The following KLF17 variants were observed in gnomAD, a reference collection of about 807,000 sequenced individuals.
The protein encoded by KLF17 is Krueppel-like factor 17.
KLF17 carries 31 observed loss-of-function variants against 34.2 expected under a neutral mutation model. The ratio of observed to expected loss-of-function variants is 0.91; its 90% CI spans 0.68 to 1.22. The LOEUF is 1.22. Among genes scored for constraint, KLF17 ranks in the 50% most tolerant of loss-of-function variants. The pLI is 0.00. For synonymous variants in KLF17, 179 were observed against 186.7 expected (o/e 0.96, Z 0.34); for missense variants, 478 against 505.2 (o/e 0.95, Z 0.52).
At chr1:44,125,226 G>A (rs2087993947) in intron 1 of KLF17, among the ~76,000 whole-genome samples, 1 of 152,040 alleles carries the variant, frequency 6.6e-6, no homozygotes, top group African/African-American at 2.4e-5. Context: ...CATGTCTAGT[G>A]GTAATGATCT....
At chr1:44,059,652 T>C in the KLF17 span, among the ~76,000 whole-genome samples, 1 of 152,148 alleles carries the variant, frequency 6.6e-6, no homozygotes, top group Non-Finnish European at 1.5e-5. Flanking sequence ...TCCATCTGAA[T>C]ACCACCCCCC....
At chr1:44,097,547 A>C in the KLF17 span, among the ~76,000 whole-genome samples, 3 of 152,152 alleles carry the variant, frequency 2.0e-5, no homozygotes, top group African/African-American at 7.2e-5. Context: ...CTATGTAACA[A>C]ACCTGCATGT....
chr1:44,087,759 TATATATATATACACACAC>T, the KLF17 span, among the ~76,000 whole-genome samples: 4 of 55,356 alleles, frequency 7.2e-5, no homozygotes, highest in Admixed American at 1.8e-4. Flanking sequence ...TATATATATA[TATATATATATACACACAC>T]ACACACACAC....
chr1:44,089,370 C>T, the KLF17 span, among the ~76,000 whole-genome samples: 1 of 152,314 alleles, frequency 6.6e-6, no homozygotes, highest in South Asian at 2.1e-4. Context: ...CCCACAAAGC[C>T]TCAACCAACC....
At chr1:44,087,020 C>T in the KLF17 span, among the ~76,000 whole-genome samples, 4 of 152,274 alleles carry the variant, frequency 2.6e-5, no homozygotes, top group Admixed American at 6.5e-5. Context: ...CAGCCATATT[C>T]GGCAGCATCG....
the KLF17 span, among the ~76,000 whole-genome samples, chr1:44,105,885 C>G: frequency 6.6e-6 from 1 of 152,058 alleles, no homozygotes; most frequent in South Asian, 2.1e-4. Context: ...CCTCTGCAGC[C>G]AGGTTCAGTG....
chr1:44,113,204 A>G, the KLF17 span, among the ~76,000 whole-genome samples: 3 of 152,316 alleles, frequency 2.0e-5, no homozygotes, highest in Admixed American at 6.5e-5. Context: ...AGTTCAAGAA[A>G]TTTCAAGACA....
chr1:44,090,428 A>G, the KLF17 span, among the ~76,000 whole-genome samples: 1 of 151,962 alleles, frequency 6.6e-6, no homozygotes, highest in Non-Finnish European at 1.5e-5. Flanking sequence ...GAGAATTCCT[A>G]AACTTTAAAT....
At chr1:44,060,434 C>A in the KLF17 span, among the ~76,000 whole-genome samples, 1 of 152,184 alleles carries the variant, frequency 6.6e-6, no homozygotes, top group Admixed American at 6.5e-5. Flanking sequence ...CGCCATTGCA[C>A]TCCAGCCTGG....
At chr1:44,071,132 G>A in the KLF17 span, among the ~76,000 whole-genome samples, 1 of 152,094 alleles carries the variant, frequency 6.6e-6, no homozygotes, top group Non-Finnish European at 1.5e-5. Flanking sequence ...TCCAATGGGC[G>A]TGTTTCATGC....
the KLF17 span, among the ~76,000 whole-genome samples, chr1:44,102,596 ACACACACACACAC>A: frequency 2.4e-5 from 3 of 126,802 alleles, no homozygotes; most frequent in African/African-American, 7.9e-5. Flanking sequence ...ACACACACAC[ACACACACACACAC>A]ACACAGAAAA....
At chr1:44,098,336 T>C in the KLF17 span, among the ~76,000 whole-genome samples, 1 of 152,090 alleles carries the variant, frequency 6.6e-6, no homozygotes, top group African/African-American at 2.4e-5. Context: ...TTTTATTTAT[T>C]TGGGTCACTC....
At chr1:44,091,814 G>A in the KLF17 span, among the ~76,000 whole-genome samples, 1 of 150,964 alleles carries the variant, frequency 6.6e-6, no homozygotes, top group East Asian at 1.9e-4. Context: ...TTTAAGAACT[G>A]CTGTATTCAT....
chr1:44,108,660 CTTTTTTT>C, the KLF17 span, among the ~76,000 whole-genome samples: 3,100 of 75,376 alleles, frequency 0.041, 74 homozygotes, highest in Middle Eastern at 0.12. Context: ...TTTGTTAGCT[CTTTTTTT>C]TTTTTTTTTT....
At chr1:44,052,963 A>G in the KLF17 span, among the ~76,000 whole-genome samples, 1 of 151,522 alleles carries the variant, frequency 6.6e-6, no homozygotes, top group Non-Finnish European at 1.5e-5. Flanking sequence ...TGCAGCGGCA[A>G]GATCTCGACT....
intron 1 of KLF17, among the ~76,000 whole-genome samples, chr1:44,121,573 A>G (rs1231541111): frequency 6.6e-6 from 1 of 152,038 alleles, no homozygotes; most frequent in East Asian, 1.9e-4. Context: ...GAATAGTTTT[A>G]TTTTTTCATG....
At chr1:44,066,382 T>C in the KLF17 span, among the ~76,000 whole-genome samples, 2 of 147,670 alleles carry the variant, frequency 1.4e-5, no homozygotes, top group African/African-American at 2.5e-5. Context: ...GGTATGATAA[T>C]ACTTTCCTTT....
In KLF17 at chr1:44,130,496, C is replaced by T. The variant is rs1316195432; in HGVS notation, c.926-16C>T. ...CTACTGTATTCTAAATTCCATCTCT[C>T]CCTTGTCATTCCCAGGTGAGAGGCC... On this transcript the variant is annotated splice_polypyrimidine_tract_variant and intron_variant, in intron 2 of 3. Transcript: ENST00000372299. 1 of 1,614,036 alleles carries T rather than the reference C, an allele frequency of 6.2e-7. No homozygotes were observed. Among genetic ancestry groups the T allele is most frequent in the Non-Finnish European group, 8.5e-7 (1 of 1,179,940 alleles).
At chr1:44,069,925 G>C in the KLF17 span, 1 of 152,194 alleles carries the variant, frequency 6.6e-6, no homozygotes, top group African/African-American at 2.4e-5. The surrounding 1 kb of genome is among the most constrained non-coding windows in gnomAD (Gnocchi z 4.7). Context: ...CTCTGTGGCC[G>C]CTGTGCTCGG....
Sources: gnomAD v4.1 joint callset for allele counts (sites outside exome capture counted in the v4.1 genomes callset) on GRCh38, gnomAD v4.1.1 for gene constraint, Gnocchi (gnomAD v3.1) non-coding constraint, MANE v1.5 for transcripts, NCBI Gene and HGNC (gene_info 2026-07-23, HGNC 2026-07-21) for gene names.